The following NXPE2 variants were observed in gnomAD, a reference collection of about 807,000 sequenced individuals.
NXPE2 encodes neurexophilin and PC-esterase domain family member 2, also known as NXPE family member 2.
Under a neutral mutation model 34.4 loss-of-function variants are expected in NXPE2, and 34 were observed. The ratio of observed to expected loss-of-function variants is 0.99; its 90% CI spans 0.75 to 1.31. The LOEUF is 1.31. Ranked by LOEUF, NXPE2 falls within the 40% of genes most tolerant of loss-of-function variation. NXPE2 has a pLI of 0.00. For synonymous variants in NXPE2, 235 were observed against 231.3 expected, an observed-to-expected ratio of 1.02 and a Z score of -0.15; for missense variants, 649 against 672.5, an observed-to-expected ratio of 0.97 and a Z score of 0.39.
chr11:114,642,232 C>A, the NXPE2 span, among the ~76,000 whole-genome samples: 1 of 151,868 alleles, frequency 6.6e-6, no homozygotes, highest in Non-Finnish European at 1.5e-5. Flanking sequence ...TCAAAAAACC[C>A]GGTCTAACAA....
At chr11:114,476,192 A>G in the NXPE2 span, among the ~76,000 whole-genome samples, 1 of 152,236 alleles carries the variant, frequency 6.6e-6, no homozygotes, top group Admixed American at 6.5e-5. Flanking sequence ...AATAGCTTTA[A>G]AGTAAAATAT....
the NXPE2 span, among the ~76,000 whole-genome samples, chr11:114,611,125 T>C: frequency 6.6e-6 from 1 of 151,690 alleles, no homozygotes; most frequent in Non-Finnish European, 1.5e-5. Context: ...TAGTTAGTAT[T>C]GCCTCATGGG....
At chr11:114,810,121 G>A in the NXPE2 span, among the ~76,000 whole-genome samples, 2 of 145,550 alleles carry the variant, frequency 1.4e-5, no homozygotes, top group Non-Finnish European at 3.0e-5. Context: ...ATGGTGCTGG[G>A]AAAACTGGCT....
the NXPE2 span, among the ~76,000 whole-genome samples, chr11:114,491,168 C>CAAAAAAAAAAAA: frequency 5.6e-5 from 3 of 53,576 alleles, no homozygotes; most frequent in Admixed American, 1.9e-4. Context: ...GACTCCGTCT[C>CAAAAAAAAAAAA]AAAAAAAAAA....
chr11:114,606,403 C>T, the NXPE2 span, among the ~76,000 whole-genome samples: 1 of 151,726 alleles, frequency 6.6e-6, no homozygotes, highest in South Asian at 2.1e-4. Context: ...CCACTGTTAC[C>T]CGGTGGATAA....
the NXPE2 span, among the ~76,000 whole-genome samples, chr11:114,753,094 G>T: frequency 5.9e-5 from 9 of 152,184 alleles, no homozygotes; most frequent in African/African-American, 2.2e-4. Flanking sequence ...TAAGGAGGAA[G>T]GAGTGTCAAA....
At chr11:114,551,922 A>T in the NXPE2 span, 1 of 152,214 alleles carries the variant, frequency 6.6e-6, no homozygotes, top group East Asian at 1.9e-4. Flanking sequence ...ATATGATTTA[A>T]ATAGCTTATT....
chr11:114,752,906 GA>G, the NXPE2 span, among the ~76,000 whole-genome samples: 2 of 152,152 alleles, frequency 1.3e-5, no homozygotes, highest in African/African-American at 4.8e-5. Context: ...TACTGGATAA[GA>G]AGACCAAGGA....
At chr11:114,728,867 A>T in the NXPE2 span, among the ~76,000 whole-genome samples, 1 of 152,094 alleles carries the variant, frequency 6.6e-6, no homozygotes, top group Non-Finnish European at 1.5e-5. Context: ...GAACCCAGAA[A>T]CAGGTTTACA....
At chr11:114,464,783 C>T in the NXPE2 span, among the ~76,000 whole-genome samples, 4 of 151,308 alleles carry the variant, frequency 2.6e-5, 1 homozygote, top group Admixed American at 2.0e-4. Flanking sequence ...ACAAACTAGG[C>T]GAAGATAATT....
the NXPE2 span, among the ~76,000 whole-genome samples, chr11:114,799,830 G>C: frequency 3.3e-5 from 5 of 152,118 alleles, no homozygotes; most frequent in African/African-American, 1.2e-4. Context: ...TCTCATGACC[G>C]GCGGTGTTAA....
At chr11:114,704,773 A>C (rs1026002314) in intron 4 of NXPE2, among the ~76,000 whole-genome samples, 3 of 152,204 alleles carry the variant, frequency 2.0e-5, no homozygotes, top group African/African-American at 7.2e-5. Flanking sequence ...TAAAGTTCAC[A>C]ATCTATGAAG....
At chr11:114,645,184 C>T in the NXPE2 span, among the ~76,000 whole-genome samples, 1 of 152,050 alleles carries the variant, frequency 6.6e-6, no homozygotes, top group Non-Finnish European at 1.5e-5. Flanking sequence ...CACTTATAAT[C>T]TCAGCTACAC....
chr11:114,575,381 T>G, the NXPE2 span, among the ~76,000 whole-genome samples: 1 of 151,986 alleles, frequency 6.6e-6, no homozygotes, highest in Non-Finnish European at 1.5e-5. Context: ...ACATCCGAAT[T>G]GGTAAAGAGG....
chr11:114,694,136 C>T (rs1951205201), intron 2 of NXPE2, among the ~76,000 whole-genome samples: 1 of 152,220 alleles, frequency 6.6e-6, no homozygotes, highest in African/African-American at 2.4e-5. Context: ...TTTTCTGCCA[C>T]TGTCTTCTAC....
At chr11:114,807,294 A>C in the NXPE2 span, among the ~76,000 whole-genome samples, 1 of 152,216 alleles carries the variant, frequency 6.6e-6, no homozygotes, top group Non-Finnish European at 1.5e-5. Context: ...TAACGAGCAA[A>C]ATAACAAGCT....
the NXPE2 span, among the ~76,000 whole-genome samples, chr11:114,784,931 A>G: frequency 6.6e-6 from 1 of 152,188 alleles, no homozygotes; most frequent in African/African-American, 2.4e-5. Context: ...CAGTGAAAGT[A>G]AATGAAAAAC....
the NXPE2 span, among the ~76,000 whole-genome samples, chr11:114,651,276 T>C: frequency 1.3e-5 from 2 of 151,916 alleles, no homozygotes; most frequent in Non-Finnish European, 2.9e-5. Flanking sequence ...TTCCTTGCGG[T>C]GGGTTCGTGG....
the NXPE2 span, among the ~76,000 whole-genome samples, chr11:114,792,029 G>A: frequency 1.3e-5 from 2 of 152,150 alleles, no homozygotes; most frequent in South Asian, 2.1e-4. Flanking sequence ...CTGCACTCCA[G>A]GCTGGGCGAC....
Sources: gnomAD v4.1 joint callset for allele counts (sites outside exome capture counted in the v4.1 genomes callset) on GRCh38, gnomAD v4.1.1 for gene constraint, MANE v1.5 for transcripts, NCBI Gene and HGNC (gene_info 2026-07-23, HGNC 2026-07-21) for gene names.